The following CPEB1 variants were observed in gnomAD, a reference collection of about 807,000 sequenced individuals.
CPEB1 encodes the protein cytoplasmic polyadenylation element-binding protein 1.
A neutral mutation model predicts 65.8 loss-of-function variants in CPEB1; 7 were observed. That is an observed-to-expected ratio of 0.11 (90% CI 0.06 to 0.20). CPEB1 has a LOEUF of 0.20. Among genes scored for constraint, CPEB1 ranks in the 10% least tolerant of loss-of-function variants. CPEB1 has a pLI of 1.00. For synonymous variants in CPEB1, 262 were observed against 260.0 expected (o/e 1.01, Z -0.08); for missense variants, 551 against 712.2 (o/e 0.77, Z 2.58).
chr15:82,552,148 G>C (rs961512157), intron 9 of CPEB1, among the ~76,000 whole-genome samples: 2 of 152,162 alleles, frequency 1.3e-5, no homozygotes, highest in African/African-American at 4.8e-5. Flanking sequence ...GAAGTTTGCT[G>C]TTCTCAATTT....
At chr15:82,560,563 TA>T (rs904059218) in intron 4 of CPEB1, among the ~76,000 whole-genome samples, 2 of 152,152 alleles carry the variant, frequency 1.3e-5, no homozygotes, top group African/African-American at 2.4e-5. Flanking sequence ...CTGGCTGATT[TA>T]AAAAAAATTT....
intron 3 of CPEB1, among the ~76,000 whole-genome samples, chr15:82,572,252 G>A (rs979677510): frequency 2.0e-5 from 3 of 152,198 alleles, no homozygotes; most frequent in African/African-American, 7.2e-5. Flanking sequence ...CCCCTGAGCA[G>A]CACCCTGACA....
intron 1 of CPEB1, among the ~76,000 whole-genome samples, chr15:82,643,744 C>T (rs1388475069): frequency 1.3e-5 from 2 of 152,120 alleles, no homozygotes; most frequent in Non-Finnish European, 2.9e-5. Context: ...AATTGAAACC[C>T]CAGCCCCTCA....
intron 3 of CPEB1, among the ~76,000 whole-genome samples, chr15:82,619,950 A>G (rs1291870512): frequency 6.6e-6 from 1 of 152,190 alleles, no homozygotes; most frequent in African/African-American, 2.4e-5. Flanking sequence ...TCACCAAAAG[A>G]TAATAGCAGC....
At chr15:82,580,818 G>A (rs2041212614) in intron 3 of CPEB1, among the ~76,000 whole-genome samples, 1 of 150,030 alleles carries the variant, frequency 6.7e-6, no homozygotes, top group South Asian at 2.1e-4. Flanking sequence ...TGTCTTCAAG[G>A]TTCCTCCATG....
At chr15:82,632,009 T>C (rs2046293713) in intron 1 of CPEB1, among the ~76,000 whole-genome samples, 1 of 127,478 alleles carries the variant, frequency 7.8e-6, no homozygotes, top group African/African-American at 3.1e-5. Context: ...TGAGACGGAG[T>C]CTCGTTCTGT....
intron 9 of CPEB1, among the ~76,000 whole-genome samples, chr15:82,550,773 A>G (rs1045872819): frequency 6.6e-6 from 1 of 152,208 alleles, no homozygotes; most frequent in Non-Finnish European, 1.5e-5. Context: ...CTGAACTAGA[A>G]AAGAAGAAGG....
intron 3 of CPEB1, among the ~76,000 whole-genome samples, chr15:82,626,436 AAAC>A (rs1470710196): frequency 6.6e-6 from 1 of 152,006 alleles, no homozygotes; most frequent in Non-Finnish European, 1.5e-5. Flanking sequence ...CCGTCCCAAA[AAAC>A]AAAAAGAAAG....
At chr15:82,589,069 CTTATT>C (rs1197664458) in intron 3 of CPEB1, among the ~76,000 whole-genome samples, 1 of 152,228 alleles carries the variant, frequency 6.6e-6, no homozygotes, top group Non-Finnish European at 1.5e-5. Context: ...AATCTGTCCA[CTTATT>C]TTGTCTCTAT....
intron 1 of CPEB1, among the ~76,000 whole-genome samples, chr15:82,634,342 C>A (rs566667727): frequency 6.6e-6 from 1 of 152,048 alleles, no homozygotes; most frequent in South Asian, 2.1e-4. Flanking sequence ...AAACCTTGGC[C>A]CTGCCTTTAA....
At chr15:82,629,610 A>G (rs1399349428) in intron 1 of CPEB1, 12 of 985,422 alleles carry the variant, frequency 1.2e-5, no homozygotes, top group African/African-American at 3.5e-5. Flanking sequence ...AATGCCCAAC[A>G]TAAGAAGCAA....
intron 3 of CPEB1, among the ~76,000 whole-genome samples, chr15:82,618,757 ATAAACT>A (rs924253725): frequency 8.5e-5 from 13 of 152,214 alleles, no homozygotes; most frequent in African/African-American, 2.4e-4. Context: ...AAACCTAGAG[ATAAACT>A]TAAAGAATCT....
intron 3 of CPEB1, among the ~76,000 whole-genome samples, chr15:82,621,110 G>A (rs1353995752): frequency 1.3e-5 from 2 of 152,236 alleles, no homozygotes; most frequent in African/African-American, 2.4e-5. Context: ...GGGACTGAAT[G>A]TATTAAACTT....
intron 3 of CPEB1, among the ~76,000 whole-genome samples, chr15:82,609,014 A>G (rs1368603583): frequency 1.3e-5 from 2 of 152,226 alleles, no homozygotes; most frequent in Non-Finnish European, 2.9e-5. Context: ...ACAAAAGAAC[A>G]GAATTAGAAG....
chr15:82,552,399 G>A, intron 9 of CPEB1, 81 bp downstream of exon 9: 1 of 1,398,216 alleles, frequency 7.2e-7, no homozygotes, highest in Non-Finnish European at 9.5e-7. Context: ...CCTGCAGCCT[G>A]CCTATCCACC....
chr15:82,629,867 C>T, intron 1 of CPEB1: 3 of 985,368 alleles, frequency 3.0e-6, no homozygotes, highest in Non-Finnish European at 2.4e-6. Context: ...GCAGGATGAC[C>T]TTAAAGGGAC....
At chr15:82,597,388 C>G (rs765734968) in intron 3 of CPEB1, among the ~76,000 whole-genome samples, 2 of 152,138 alleles carry the variant, frequency 1.3e-5, no homozygotes, top group African/African-American at 4.8e-5. Flanking sequence ...AAGGACTGAG[C>G]CCTGAACAAA....
rs566614588 is a variant in CPEB1, at chr15:82,556,352, TA to T, written c.688-231del. ...CATATTGCCAGTCTTTATAACCATT[TA>T]AAATGCATTTATCATATTCTATTTA... On this transcript the variant is annotated intron_variant, in intron 5 of 12. Coordinates refer to ENST00000684509, the MANE Select transcript of CPEB1 (RefSeq NM_001365242.1). 6.2e-4 allele frequency: 294 copies of T among 473,366 alleles called. 1 individual carries two copies. Among genetic ancestry groups the T allele is most frequent in the African/African-American group, 5.4e-3 (264 of 48,738 alleles). The allele number at this position is 473,366 out of a possible 1,614,324, so 29.3% of individuals were successfully genotyped here.
intron 3 of CPEB1, among the ~76,000 whole-genome samples, chr15:82,613,821 C>G (rs944749428): frequency 1.3e-5 from 2 of 152,114 alleles, no homozygotes; most frequent in Non-Finnish European, 2.9e-5. Context: ...GGGAGAGAGA[C>G]ACTCACCCTG....
Sources: allele counts gnomAD v4.1 joint callset (sites outside exome capture counted in the v4.1 genomes callset), GRCh38; gene constraint gnomAD v4.1.1; transcripts MANE v1.5; gene names NCBI Gene and HGNC (gene_info 2026-07-23, HGNC 2026-07-21).